SLCO6A1: variants seen among roughly 807,000 people sequenced by gnomAD.
SLCO6A1 encodes cancer/testis antigen 48.
A neutral mutation model predicts 72.7 loss-of-function variants in SLCO6A1; 65 were observed. The observed-to-expected ratio is 0.89, with a 90% CI of 0.73 to 1.10. SLCO6A1 has a LOEUF of 1.10. Among genes scored for constraint, SLCO6A1 ranks in the 50% least tolerant of loss-of-function variants. The pLI, the probability that SLCO6A1 is intolerant of heterozygous loss-of-function variation, is 0.00. For missense variants in SLCO6A1, 874 were observed against 872.6 expected, an observed-to-expected ratio of 1.00 and a Z score of -0.02; for synonymous variants, 314 against 298.2, an observed-to-expected ratio of 1.05 and a Z score of -0.55.
At chr5:102,446,577 A>G (rs1042500431) in intron 6 of SLCO6A1, among the ~76,000 whole-genome samples, 1 of 152,160 alleles carries the variant, frequency 6.6e-6, no homozygotes, top group Non-Finnish European at 1.5e-5. Context: ...TGCTCTGGCC[A>G]GGACTTCCAA....
At chr5:102,461,001 G>T in intron 4 of SLCO6A1, among the ~76,000 whole-genome samples, 1 of 90,726 alleles carries the variant, frequency 1.1e-5, no homozygotes, top group Non-Finnish European at 2.3e-5. Context: ...ATTGTCACTA[G>T]GGCTGCATGT....
chr5:102,403,077 TAA>T (rs1452093299), intron 9 of SLCO6A1, among the ~76,000 whole-genome samples: 1 of 152,200 alleles, frequency 6.6e-6, no homozygotes, highest in Non-Finnish European at 1.5e-5. Context: ...GAGAATATCA[TAA>T]GTGTTGGTAT....
intron 1 of SLCO6A1, among the ~76,000 whole-genome samples, chr5:102,484,218 A>G (rs1752336678): frequency 6.6e-6 from 1 of 152,226 alleles, no homozygotes; most frequent in South Asian, 2.1e-4. Flanking sequence ...ATTCACAGGC[A>G]CAAATATCAC....
At chr5:102,404,851 A>G (rs1747588763) in intron 9 of SLCO6A1, among the ~76,000 whole-genome samples, 2 of 152,134 alleles carry the variant, frequency 1.3e-5, no homozygotes, top group Admixed American at 1.3e-4. Context: ...CAGAAATTAA[A>G]CCAAAGAGCA....
chr5:102,393,317 G>A (rs1423778410), intron 10 of SLCO6A1, among the ~76,000 whole-genome samples: 1 of 152,080 alleles, frequency 6.6e-6, no homozygotes, highest in Non-Finnish European at 1.5e-5. Context: ...AAAATGGTCA[G>A]CCTGATCTAA....
chr5:102,440,586 C>T (rs550463095), intron 6 of SLCO6A1, among the ~76,000 whole-genome samples: 32 of 152,158 alleles, frequency 2.1e-4, no homozygotes, highest in Non-Finnish European at 3.1e-4. Context: ...CTAAAACCAG[C>T]GCCTCCATCC....
chr5:102,459,072 T>C (rs1278604101), intron 5 of SLCO6A1, among the ~76,000 whole-genome samples: 46 of 152,086 alleles, frequency 3.0e-4, no homozygotes. Flanking sequence ...ATATAAAGCA[T>C]CTTTAAAAGG....
At chr5:102,495,239 G>A (rs1019469571) in intron 1 of SLCO6A1, among the ~76,000 whole-genome samples, 1 of 152,190 alleles carries the variant, frequency 6.6e-6, no homozygotes, top group Admixed American at 6.5e-5. Context: ...TAGGAGGTAG[G>A]AGCAGGAAGT....
At chr5:102,401,358 A>G (rs1327866376) in intron 9 of SLCO6A1, among the ~76,000 whole-genome samples, 1 of 152,140 alleles carries the variant, frequency 6.6e-6, no homozygotes, top group Non-Finnish European at 1.5e-5. Context: ...GGCAATTGCA[A>G]GAGCAATGTA....
intron 12 of SLCO6A1, among the ~76,000 whole-genome samples, chr5:102,378,675 A>T (rs1426582335): frequency 6.6e-6 from 1 of 152,154 alleles, no homozygotes; most frequent in Non-Finnish European, 1.5e-5. Flanking sequence ...TGTGTGATTC[A>T]TCCATATTTT....
intron 10 of SLCO6A1, among the ~76,000 whole-genome samples, chr5:102,399,338 T>G (rs2112548141): frequency 6.6e-6 from 1 of 152,206 alleles, no homozygotes; most frequent in South Asian, 2.1e-4. Context: ...TGTTTTAAAT[T>G]AAAGTTAAAC....
chr5:102,498,414 T>A, intron 1 of SLCO6A1, 73 bp downstream of exon 1: 2 of 1,441,164 alleles, frequency 1.4e-6, no homozygotes, highest in Non-Finnish European at 1.9e-6. Context: ...TCCTCCGCCA[T>A]ACTCCCTCTC....
intron 4 of SLCO6A1, among the ~76,000 whole-genome samples, chr5:102,462,848 C>A (rs1751111758): frequency 6.6e-6 from 1 of 152,126 alleles, no homozygotes; most frequent in African/African-American, 2.4e-5. Context: ...CATAGAAACT[C>A]TTCTAGATGT....
chr5:102,485,613 T>C (rs779186711), intron 1 of SLCO6A1, among the ~76,000 whole-genome samples: 10 of 152,216 alleles, frequency 6.6e-5, no homozygotes, highest in Admixed American at 3.3e-4. Flanking sequence ...TTTGGATGTG[T>C]TATTACACGT....
intron 7 of SLCO6A1, among the ~76,000 whole-genome samples, chr5:102,428,676 C>T (rs756096617): frequency 6.6e-6 from 1 of 152,082 alleles, no homozygotes; most frequent in Non-Finnish European, 1.5e-5. Context: ...AGGTAGGCTC[C>T]AGTGTCTGTT....
intron 4 of SLCO6A1, among the ~76,000 whole-genome samples, chr5:102,470,668 T>C (rs1295440136): frequency 6.6e-6 from 1 of 152,042 alleles, no homozygotes; most frequent in African/African-American, 2.4e-5. Flanking sequence ...CTTGATGTGG[T>C]GCTCTCCTGC....
Position 102,420,021 on chromosome 5 carries a change from C to A in SLCO6A1, c.1277G>T (p.Gly426Val). The change falls in exon 8 of 14, where the codon GGA becomes GTA. Residue 426 changes from glycine to valine, a missense_variant and splice_region_variant. Gly to Val is a moderately radical substitution (Grantham distance 109). Coordinates refer to ENST00000506729, the MANE Select transcript of SLCO6A1 (RefSeq NM_173488.5). ...LTPTVATTLA[G>V]LVLIPGGALG... ...TGCACCTCCTGGAATTAAAACAAGT[C>A]CTAAAAAAAAGGAGGAGAAAAACAC... 1.3e-6 allele frequency: 2 copies of A among 1,556,010 alleles called. No homozygotes were observed. Among genetic ancestry groups the A allele is most frequent in the South Asian group, 1.2e-5 (1 of 81,466 alleles).
intron 12 of SLCO6A1, among the ~76,000 whole-genome samples, chr5:102,377,218 C>G (rs1745848937): frequency 6.6e-6 from 1 of 151,952 alleles, no homozygotes; most frequent in East Asian, 1.9e-4. Flanking sequence ...TGTAAACACT[C>G]CAAGTATTGT....
intron 12 of SLCO6A1, among the ~76,000 whole-genome samples, chr5:102,378,550 G>T (rs1254574526): frequency 6.6e-6 from 1 of 152,072 alleles, no homozygotes; most frequent in Non-Finnish European, 1.5e-5. Context: ...ACTGATAAAA[G>T]TTAGTTTTGT....
Sources: allele counts gnomAD v4.1 joint callset (sites outside exome capture counted in the v4.1 genomes callset), GRCh38; gene constraint gnomAD v4.1.1; transcripts MANE v1.5; gene names NCBI Gene and HGNC (gene_info 2026-07-23, HGNC 2026-07-21).